Variants in TNFRSF10A observed in about 807,000 individuals in gnomAD.
The protein encoded by TNFRSF10A is TNF receptor superfamily member 10a.
Under a neutral mutation model 42.8 loss-of-function variants are expected in TNFRSF10A, and 44 were observed. The ratio of observed to expected loss-of-function variants is 1.03; its 90% CI spans 0.81 to 1.32. The LOEUF (loss-of-function observed/expected upper bound fraction) is 1.32. Among genes scored for constraint, TNFRSF10A ranks in the 40% most tolerant of loss-of-function variants. The probability of loss-of-function intolerance (pLI) is 0.00; values close to 1 mark genes in which losing one functional copy is unlikely to be tolerated. For missense variants in TNFRSF10A, 680 were observed against 602.0 expected (o/e 1.13, Z -1.36); for synonymous variants, 259 against 234.2 (o/e 1.11, Z -0.97).
At chr8:23,218,471 T>A (rs1326549609) in intron 1 of TNFRSF10A, among the ~76,000 whole-genome samples, 3 of 152,094 alleles carry the variant, frequency 2.0e-5, no homozygotes, top group African/African-American at 7.2e-5. Context: ...TTCCTTTGAG[T>A]CTTTCGTGGC....
intron 8 of TNFRSF10A, among the ~76,000 whole-genome samples, chr8:23,198,480 C>T (rs1471648929): frequency 6.6e-6 from 1 of 152,056 alleles, no homozygotes; most frequent in Non-Finnish European, 1.5e-5. Context: ...AATCTACTGT[C>T]TGAATGTGAG....
intron 1 of TNFRSF10A, among the ~76,000 whole-genome samples, chr8:23,220,800 T>A (rs1221913089): frequency 6.6e-6 from 1 of 152,292 alleles, no homozygotes; most frequent in Admixed American, 6.5e-5. Context: ...TGCTGCCCTG[T>A]CACTCCTGGA....
intron 9 of TNFRSF10A, 125 bp downstream of exon 9, chr8:23,197,007 G>A: frequency 7.9e-7 from 1 of 1,266,284 alleles, no homozygotes; most frequent in Non-Finnish European, 1.2e-6. Context: ...ATGGTCTATA[G>A]CATAGGACCC....
chr8:23,222,515 A>G (rs1307946844), intron 1 of TNFRSF10A, among the ~76,000 whole-genome samples: 1 of 152,240 alleles, frequency 6.6e-6, no homozygotes, highest in Non-Finnish European at 1.5e-5. Context: ...AGATACTTGC[A>G]TGTACTGATA....
intron 2 of TNFRSF10A, among the ~76,000 whole-genome samples, chr8:23,210,206 G>A (rs1801075079): frequency 6.6e-6 from 1 of 152,082 alleles, no homozygotes; most frequent in South Asian, 2.1e-4. Context: ...TCTTTCTTTT[G>A]TAAATTGCCA....
At chr8:23,208,807 A>G (rs571744287) in intron 2 of TNFRSF10A, among the ~76,000 whole-genome samples, 126 of 152,294 alleles carry the variant, frequency 8.3e-4, no homozygotes, top group Middle Eastern at 3.4e-3. Flanking sequence ...AAAATCTGCA[A>G]CCTGACAATG....
At chr8:23,198,300 GA>G (rs940383929) in intron 8 of TNFRSF10A, among the ~76,000 whole-genome samples, 16 of 152,036 alleles carry the variant, frequency 1.1e-4, no homozygotes, top group Admixed American at 1.0e-3. Context: ...TCACATCATT[GA>G]AAAAAATATC....
chr8:23,191,627 A>T lies in TNFRSF10A; in HGVS notation c.*67T>A. 2 of 1,468,876 alleles carry T rather than the reference A, an allele frequency of 1.4e-6. No homozygotes were observed. The highest frequency in any genetic ancestry group is 1.8e-6 in the Non-Finnish European group (2 of 1,116,672). 91.0% of individuals were successfully genotyped at this position (1,468,876 alleles called of 1,614,324 possible). On this transcript the variant is annotated 3_prime_UTR_variant, in exon 10 of 10. Transcript: ENST00000221132. ...GAATTTACTTTGTATACATGTTAAA[A>T]AAAAAAAAAACCTAATATGTATTAA... is the stretch of plus-strand genomic sequence containing the variant.
At chr8:23,201,616 AC>A (rs1461685013) in intron 4 of TNFRSF10A, among the ~76,000 whole-genome samples, 191 bp downstream of exon 4, 1 of 152,036 alleles carries the variant, frequency 6.6e-6, no homozygotes, top group Non-Finnish European at 1.5e-5. Flanking sequence ...AGGGGTGGGG[AC>A]AGGCAGATGG....
chr8:23,202,282 C>T (rs17088995), intron 3 of TNFRSF10A, among the ~76,000 whole-genome samples: 3 of 151,244 alleles, frequency 2.0e-5, no homozygotes, highest in African/African-American at 4.9e-5. Context: ...AAGAGGGAGG[C>T]GCCTGAGAAA....
intron 9 of TNFRSF10A, among the ~76,000 whole-genome samples, chr8:23,195,057 G>A (rs1470428189): frequency 6.6e-6 from 1 of 152,214 alleles, no homozygotes; most frequent in Non-Finnish European, 1.5e-5. Flanking sequence ...TACTCAGGAG[G>A]CTGAGGCGTG....
chr8:23,212,918 C>T (rs530773155), intron 1 of TNFRSF10A, among the ~76,000 whole-genome samples: 21 of 152,266 alleles, frequency 1.4e-4, no homozygotes, highest in South Asian at 2.1e-4. Flanking sequence ...GGGGCCCACA[C>T]GAAGAGTTAG....
chr8:23,224,486 G>T, intron 1 of TNFRSF10A: 1 of 513,848 alleles, frequency 1.9e-6, no homozygotes, highest in Non-Finnish European at 3.5e-6. Context: ...GTGGGCAGGA[G>T]GGAGACGCGC....
intron 1 of TNFRSF10A, among the ~76,000 whole-genome samples, chr8:23,216,162 A>G (rs1801177065): frequency 2.0e-5 from 3 of 148,732 alleles, no homozygotes; most frequent in South Asian, 4.3e-4. Context: ...CTGAGAACCA[A>G]CTCTTAGCTT....
In TNFRSF10A at chr8:23,199,926, G is replaced by A. The variant is rs766459399; in HGVS notation, c.800-9C>T. On this transcript the variant is annotated splice_polypyrimidine_tract_variant and intron_variant, in intron 6 of 9. Coordinates refer to ENST00000221132, the MANE Select transcript of TNFRSF10A (RefSeq NM_003844.4). ...GGGGTCCCCTCCACAACCTAGAAGAGAAGACGGTTCCCTTAGTGGCCAGGG... is the reference window on the plus strand; with the variant it reads ...GGGGTCCCCTCCACAACCTAGAAGAAAAGACGGTTCCCTTAGTGGCCAGGG... The A allele has an allele frequency of 6.2e-7, 1 of 1,613,616 alleles. No individual in the cohort carries two copies. The highest frequency in any genetic ancestry group is 1.1e-5 in the South Asian group (1 of 91,078).
At chr8:23,224,235 G>A (rs1801297544) in intron 1 of TNFRSF10A, among the ~76,000 whole-genome samples, 1 of 148,000 alleles carries the variant, frequency 6.8e-6, no homozygotes, top group Non-Finnish European at 1.5e-5. Flanking sequence ...GGAAGGCGGA[G>A]CTTGCAGTGA....
In TNFRSF10A at chr8:23,224,743, G is replaced by C. The variant is rs1330027872; in HGVS notation, c.306+13C>G. ...CGCGCTTTTCCCCAGGCAGGACCGC[G>C]GTGGGGACTCACCTGCAGCAGGACC... is the stretch of plus-strand genomic sequence containing the variant. On this transcript the variant is annotated intron_variant, in intron 1 of 9. Transcript: ENST00000221132. The C allele has an allele frequency of 6.4e-7, 1 of 1,558,498 alleles. No homozygotes were observed. Among genetic ancestry groups the C allele is most frequent in the South Asian group, 1.2e-5 (1 of 84,720 alleles).
intron 2 of TNFRSF10A, among the ~76,000 whole-genome samples, chr8:23,208,216 A>G (rs1801045288): frequency 6.6e-6 from 1 of 152,214 alleles, no homozygotes; most frequent in East Asian, 1.9e-4. Context: ...CAAAGAAAGC[A>G]AAGAGAGTGG....
intron 1 of TNFRSF10A, among the ~76,000 whole-genome samples, chr8:23,215,374 G>A (rs1352274115): frequency 6.6e-6 from 1 of 152,106 alleles, no homozygotes; most frequent in Non-Finnish European, 1.5e-5. Context: ...TGGGCGTGGT[G>A]GTGGGCACCT....
Sources: allele counts gnomAD v4.1 joint callset (sites outside exome capture counted in the v4.1 genomes callset), GRCh38; gene constraint gnomAD v4.1.1; transcripts MANE v1.5; gene names NCBI Gene and HGNC (gene_info 2026-07-23, HGNC 2026-07-21).